MCC: variants seen among roughly 807,000 people sequenced by gnomAD.
MCC encodes colorectal mutant cancer protein.
A neutral mutation model predicts 116.2 loss-of-function variants in MCC; 90 were observed. That is an observed-to-expected ratio of 0.77 (90% confidence interval 0.65 to 0.92). The LOEUF (loss-of-function observed/expected upper bound fraction) is 0.92, where lower values mean the gene tolerates loss of function less well. MCC is among the 40% of genes least tolerant of loss of function. The probability of loss-of-function intolerance (pLI) is 0.00; values close to 1 mark genes in which losing one functional copy is unlikely to be tolerated. For missense variants in MCC, 1,516 were observed against 1,312.2 expected, an observed-to-expected ratio of 1.16 and a Z score of -2.40; for synonymous variants, 578 against 510.5, an observed-to-expected ratio of 1.13 and a Z score of -1.78.
At chr5:113,042,305 C>CAA (rs59401267) in intron 17 of MCC, among the ~76,000 whole-genome samples, 4 of 89,480 alleles carry the variant, frequency 4.5e-5, no homozygotes, top group East Asian at 3.1e-4. Flanking sequence ...GACCCTGTCT[C>CAA]AAAAAAAAAA....
rs184966313 is a variant in MCC, at chr5:113,092,163, G to A, written c.1399-6853C>T. 2.6e-5 allele frequency among the ~76,000 whole-genome samples: 4 copies of A among 152,278 alleles called. No homozygotes were observed. In the East Asian group the frequency reaches 7.7e-4, roughly 29 times the overall value. On this transcript the variant is annotated intron_variant, in intron 8 of 18. Coordinates refer to ENST00000408903, the MANE Select transcript of MCC (RefSeq NM_001085377.2). The stretch of plus-strand genomic sequence containing the variant: ...GCCCTAAACCCCGAGAAATGTAAAT[G>A]TAGCCTTGTACGGCAAAAGGGAACT...
At chr5:113,468,510 C>G (rs1771979954) in intron 1 of MCC, among the ~76,000 whole-genome samples, 1 of 152,298 alleles carries the variant, frequency 6.6e-6, no homozygotes, top group Admixed American at 6.5e-5. Flanking sequence ...GTTGAACCAG[C>G]CTTGCATCCC....
Position 113,143,133 on chromosome 5 carries a change from G to A in MCC, c.884+85C>T, listed in dbSNP as rs1392085435. 10 of 1,419,462 alleles carry A rather than the reference G, an allele frequency of 7.0e-6. No homozygotes were observed. In the African/African-American group the frequency reaches 1.3e-4, roughly 18 times the overall value. 87.9% of individuals were successfully genotyped at this position (1,419,462 alleles called of 1,614,324 possible). A position where few individuals can be genotyped will look rare whatever the true frequency, so the allele number is the denominator to read the frequency against. On this transcript the variant is annotated intron_variant, in intron 5 of 18. Coordinates refer to ENST00000408903, the MANE Select transcript of MCC (RefSeq NM_001085377.2). ...TCTACAAACTAGAACTTCGGTCTTG[G>A]AGTTAAAATAGTTGGGGCTACTTCA...
chr5:113,031,366 A>G (rs899176372), intron 17 of MCC, among the ~76,000 whole-genome samples: 5 of 151,954 alleles, frequency 3.3e-5, no homozygotes, highest in African/African-American at 1.2e-4. Flanking sequence ...ATTTCCTACC[A>G]GCAGTGAGGA....
intron 3 of MCC, among the ~76,000 whole-genome samples, chr5:113,327,299 C>A (rs901248974): frequency 2.0e-5 from 3 of 151,970 alleles, no homozygotes; most frequent in African/African-American, 4.8e-5. Flanking sequence ...GTAATCCCAG[C>A]ACTTCGGGAG....
chr5:113,156,216 T>C (rs1760162835), intron 3 of MCC, among the ~76,000 whole-genome samples: 1 of 152,108 alleles, frequency 6.6e-6, no homozygotes, highest in East Asian at 1.9e-4. Flanking sequence ...AGTTGAGAGT[T>C]TCTGGCAAAT....
intron 3 of MCC, among the ~76,000 whole-genome samples, chr5:113,338,178 T>C (rs968008359): frequency 1.3e-5 from 2 of 152,246 alleles, no homozygotes; most frequent in Non-Finnish European, 2.9e-5. Context: ...ATCATAGTCA[T>C]AGGACTTCAG....
chr5:113,326,322 A>G (rs1767551851), intron 3 of MCC, among the ~76,000 whole-genome samples: 1 of 152,210 alleles, frequency 6.6e-6, no homozygotes, highest in Admixed American at 6.5e-5. Context: ...TTGTGCTACT[A>G]TAACAAAATA....
rs183956057 is a variant in MCC, at chr5:113,337,582, G to A, written c.627+2937C>T. 3.0e-3 allele frequency among the ~76,000 whole-genome samples: 454 copies of A among 152,100 alleles called. 3 individuals are homozygous for A. The highest frequency in any genetic ancestry group is 0.01 in the African/African-American group (435 of 41,478). On this transcript the variant is annotated intron_variant, in intron 3 of 18. Coordinates refer to ENST00000408903, the MANE Select transcript of MCC (RefSeq NM_001085377.2). Reference sequence around the variant, plus strand: ...TATGTGCTATTCCTGTGTTCAGTACGGTTTTCTTTACCCTTAGTAGGTAAT... The same window carrying A: ...TATGTGCTATTCCTGTGTTCAGTACAGTTTTCTTTACCCTTAGTAGGTAAT...
intron 3 of MCC, among the ~76,000 whole-genome samples, chr5:113,258,977 A>G (rs191710113): frequency 2.4e-4 from 37 of 152,364 alleles, no homozygotes; most frequent in Middle Eastern, 3.4e-3. Flanking sequence ...GCTTTTTGCT[A>G]TCCATTAAAA....
intron 12 of MCC, among the ~76,000 whole-genome samples, chr5:113,068,550 T>C (rs1753789537): frequency 6.6e-6 from 1 of 152,218 alleles, no homozygotes; most frequent in Non-Finnish European, 1.5e-5. Flanking sequence ...CTGTCCCCCA[T>C]CTGCACTGTA....
intron 1 of MCC, among the ~76,000 whole-genome samples, chr5:113,481,198 G>T (rs1772369227): frequency 6.6e-6 from 1 of 152,096 alleles, no homozygotes; most frequent in Non-Finnish European, 1.5e-5. Flanking sequence ...ATATGTACAA[G>T]AGTGCAATAT....
intron 3 of MCC, among the ~76,000 whole-genome samples, chr5:113,173,505 T>C (rs1272206076): frequency 1.3e-5 from 2 of 152,334 alleles, no homozygotes; most frequent in African/African-American, 2.4e-5. Flanking sequence ...CTGATAAATA[T>C]AAGGTCACTG....
intron 6 of MCC, among the ~76,000 whole-genome samples, chr5:113,116,644 G>T (rs535289544): frequency 5.3e-5 from 8 of 152,284 alleles, no homozygotes; most frequent in Admixed American, 2.0e-4. Flanking sequence ...AAAAGTTATG[G>T]AACAGCAGAA....
intron 3 of MCC, among the ~76,000 whole-genome samples, chr5:113,268,429 C>G (rs950228271): frequency 3.3e-5 from 5 of 152,152 alleles, no homozygotes; most frequent in African/African-American, 1.2e-4. Flanking sequence ...CATCAATTTC[C>G]CTTGAACATT....
At chr5:113,446,753 T>C (rs1348631210) in intron 1 of MCC, among the ~76,000 whole-genome samples, 1 of 152,132 alleles carries the variant, frequency 6.6e-6, no homozygotes, top group Non-Finnish European at 1.5e-5. Flanking sequence ...CTAAACATAG[T>C]GTACTCACGG....
chr5:113,113,718 G>A (rs1757232262), intron 6 of MCC, among the ~76,000 whole-genome samples: 1 of 151,478 alleles, frequency 6.6e-6, no homozygotes, highest in Non-Finnish European at 1.5e-5. Context: ...CAGATTGAGG[G>A]ACATTCTATG....
chr5:113,040,042 A>T (rs557651090), intron 17 of MCC, among the ~76,000 whole-genome samples: 2 of 151,458 alleles, frequency 1.3e-5, no homozygotes, highest in Admixed American at 6.6e-5. Context: ...TGTTAAGAAA[A>T]CATCTCGTGT....
At chr5:113,047,389 G>C (rs1752166195) in intron 16 of MCC, among the ~76,000 whole-genome samples, 1 of 152,236 alleles carries the variant, frequency 6.6e-6, no homozygotes, top group South Asian at 2.1e-4. Flanking sequence ...CAGGGTCTTG[G>C]GAGGGCTGGC....
Sources: gnomAD v4.1 joint callset for allele counts (sites outside exome capture counted in the v4.1 genomes callset) on GRCh38, gnomAD v4.1.1 for gene constraint, MANE v1.5 for transcripts, NCBI Gene and HGNC (gene_info 2026-07-23, HGNC 2026-07-21) for gene names.